FBRS: variants seen among roughly 807,000 people sequenced by gnomAD.
FBRS encodes the protein fibrosin.
In FBRS, 15 loss-of-function variants were observed where a neutral mutation model predicts 86.1. The observed-to-expected ratio is 0.17, with a 90% CI of 0.12 to 0.27. The LOEUF is 0.27. FBRS is among the 10% of genes least tolerant of loss of function. FBRS has a pLI of 1.00. For synonymous variants in FBRS, 666 were observed against 575.8 expected, an observed-to-expected ratio of 1.16 and a Z score of -2.24; for missense variants, 1,367 against 1,301.6, an observed-to-expected ratio of 1.05 and a Z score of -0.77.
intron 6 of FBRS, among the ~76,000 whole-genome samples, chr16:30,663,268 C>T (rs1375691773): frequency 1.3e-5 from 2 of 152,210 alleles, no homozygotes; most frequent in African/African-American, 4.8e-5. Context: ...GCCTCGATTT[C>T]CTCTTTCTGT....
Position 30,659,816 on chromosome 16 carries a change from G to T in FBRS, c.298G>T (p.Ala100Ser). Residue 100 changes from alanine to serine, a missense_variant, in exon 1 of 18, where the codon GCC becomes TCC. Physicochemically the swap from Ala to Ser is moderately conservative, Grantham distance 99. Transcript: ENST00000356166. The part of the protein sequence containing the change: ...PPRPRARKRP[A>S]GSGSRGEEEE... The stretch of plus-strand genomic sequence containing the variant: ...GCGACCCCGAGCTCGGAAGCGGCCT[G>T]CCGGCTCGGGCAGCCGCGGGGAGGA... 1 of 1,517,906 alleles carries T rather than the reference G, an allele frequency of 6.6e-7. No individual in the cohort carries two copies. The highest frequency in any genetic ancestry group is 8.8e-7 in the Non-Finnish European group (1 of 1,137,362). The allele number at this position is 1,517,906 out of a possible 1,614,324, so 94.0% of individuals were successfully genotyped here.
rs778326728 is a variant in FBRS at position 30,668,610 on chromosome 16, G to A, written c.2125G>A (p.Gly709Arg). 4.3e-6 allele frequency: 7 copies of A among 1,611,658 alleles called. No homozygotes were observed. Among genetic ancestry groups the A allele is most frequent in the African/African-American group, 1.3e-5 (1 of 74,954 alleles). ...SFASLAALSNGAFGGLGSPTF... is the reference protein window; with the variant it reads ...SFASLAALSNRAFGGLGSPTF... The stretch of plus-strand genomic sequence containing the variant: ...CGCCTCTTTGGCTGCCCTCTCCAAC[G>A]GGGCCTTTGGAGGCCTGGGCAGCCC... The change falls in exon 16 of 18, where the codon GGG (glycine) becomes AGG (arginine). Residue 709 changes from glycine (G) to arginine (R), a missense_variant. This residue lies in a region of FBRS where 659 missense variants were observed against 678.8 expected (regional missense o/e 0.97). Transcript: ENST00000356166.
At chr16:30,663,117 A>G (rs1289736686) in intron 6 of FBRS, 6 of 512,782 alleles carry the variant, frequency 1.2e-5, no homozygotes, top group African/African-American at 2.0e-5. Flanking sequence ...GTCTGCTCGG[A>G]ATAGTGTTCT....
rs1375467939 is a variant in FBRS, at chr16:30,664,793, G to A, written c.1436G>A (p.Gly479Asp). Reference sequence around the variant, plus strand: ...GGCCCTGAGGTGGTGGGGGCAGGGGGCTCGGCCCGGCCCCTGGCCTTCCAG... The same window carrying A: ...GGCCCTGAGGTGGTGGGGGCAGGGGACTCGGCCCGGCCCCTGGCCTTCCAG... ...QGGPEVVGAG[G>D]SARPLAFQFH... The change falls in exon 8 of 18, where the codon GGC becomes GAC. Residue 479 changes from glycine (G) to aspartate (D), a missense_variant. Physicochemically the swap from Gly to Asp is moderately conservative, Grantham distance 94. This residue lies in a region of FBRS where 702 missense variants were observed against 598.7 expected (regional missense o/e 1.17). Coordinates refer to ENST00000356166, the MANE Select transcript of FBRS (RefSeq NM_001105079.3). 1.3e-6 allele frequency: 2 copies of A among 1,554,016 alleles called. No individual in the cohort carries two copies. The highest frequency in any genetic ancestry group is 2.0e-5 in the Admixed American group (1 of 51,168).
rs750860951 is a variant in FBRS, at chr16:30,669,201, C to CGCCGCTGCCGCTGCTGCT, written c.2505_2522dup (p.Ala844_Ala849dup). ...AAGAGCGGAAGGAGGAGGCTGCCGCCGCCGCTGCCGCTGCTGCTGCCGCCG... is the reference window on the plus strand; with the variant it reads ...AAGAGCGGAAGGAGGAGGCTGCCGCCGCCGCTGCCGCTGCTGCTGCCGCTGCCGCTGCTGCTGCCGCCG... On this transcript the variant is annotated inframe_insertion, in exon 18 of 18. Coordinates refer to ENST00000356166, the MANE Select transcript of FBRS (RefSeq NM_001105079.3). The surrounding 1 kb of genome is among the most constrained non-coding windows in gnomAD (Gnocchi z 5.9). The CGCCGCTGCCGCTGCTGCT allele has an allele frequency of 1.3e-6, 2 of 1,544,470 alleles. No individual in the cohort carries two copies. The highest frequency in any genetic ancestry group is 2.8e-5 in the African/African-American group (2 of 72,700).
chr16:30,660,056 G>A, intron 1 of FBRS, 79 bp downstream of exon 1: 2 of 1,484,666 alleles, frequency 1.3e-6, no homozygotes, highest in Middle Eastern at 4.3e-4. Flanking sequence ...AGTGGGTGGA[G>A]TTGAGGGGGG....
Position 30,662,755 on chromosome 16 carries a change from T to C in FBRS, c.951T>C (p.Thr317=), listed in dbSNP as rs2052476531. 6.5e-7 allele frequency: 1 copy of C among 1,527,508 alleles called. No homozygotes were observed. Among genetic ancestry groups the C allele is most frequent in the African/African-American group, 1.4e-5 (1 of 72,350 alleles). The allele number at this position is 1,527,508 out of a possible 1,614,324, so 94.6% of individuals were successfully genotyped here. A position where few individuals can be genotyped will look rare whatever the true frequency, so the allele number is the denominator to read the frequency against. Residue 317 remains threonine, a synonymous_variant, in exon 6 of 18, where the codon ACT becomes ACC. Coordinates refer to ENST00000356166, the MANE Select transcript of FBRS (RefSeq NM_001105079.3). ...CACCCCCTGCACCCCTGCCGGCCAC[T>C]CCCAGTCTGCCACCCCCACCCCAGC... ...PVSPPAPLPA[T]PSLPPPPQPQ...
chr16:30,659,842 A>AGAGGAGGAG lies in FBRS; in HGVS notation c.338_346dup (p.Glu113_Glu115dup), dbSNP rs746156246. On this transcript the variant is annotated inframe_insertion, in exon 1 of 18. Coordinates refer to ENST00000356166, the MANE Select transcript of FBRS (RefSeq NM_001105079.3). ...CCGGCTCGGGCAGCCGCGGGGAGGA[A>AGAGGAGGAG]GAGGAGGAGGAGGAGGAGGAGGGGG... 2.5e-5 allele frequency: 38 copies of AGAGGAGGAG among 1,517,906 alleles called. No homozygotes were observed. Among genetic ancestry groups the AGAGGAGGAG allele is most frequent in the Non-Finnish European group, 2.8e-5 (32 of 1,133,266 alleles). The allele number at this position is 1,517,906 out of a possible 1,614,324, so 94.0% of individuals were successfully genotyped here. A position where few individuals can be genotyped will look rare whatever the true frequency, so the allele number is the denominator to read the frequency against.
rs1401764312 is a variant in FBRS, at chr16:30,665,206, C to T, written c.1609-100C>T. The T allele has an allele frequency of 6.6e-6, 10 of 1,512,004 alleles. No homozygotes were observed. The highest frequency in any genetic ancestry group is 4.8e-5 in the East Asian group (2 of 41,496). The allele number at this position is 1,512,004 out of a possible 1,614,324, so 93.7% of individuals were successfully genotyped here. A position where few individuals can be genotyped will look rare whatever the true frequency, so the allele number is the denominator to read the frequency against. On this transcript the variant is annotated intron_variant, in intron 9 of 17. Transcript: ENST00000356166. The surrounding 1 kb of genome is among the most constrained non-coding windows in gnomAD (Gnocchi z 4.1). ...CAAGAGCCTTGAGCCTGGGACAGCT[C>T]CCTGGGGGGCTTTAGGGTGGAGGCC...
rs2052576548 is a variant in FBRS, at chr16:30,669,944, G to C, written c.*299G>C. 6 of 546,140 alleles carry C rather than the reference G, an allele frequency of 1.1e-5. No individual in the cohort carries two copies. In the Admixed American group the frequency reaches 1.9e-4, roughly 17 times the overall value. The allele number at this position is 546,140 out of a possible 1,614,324, so 33.8% of individuals were successfully genotyped here. On this transcript the variant is annotated 3_prime_UTR_variant, in exon 18 of 18. Coordinates refer to ENST00000356166, the MANE Select transcript of FBRS (RefSeq NM_001105079.3). The surrounding 1 kb of genome is among the most constrained non-coding windows in gnomAD (Gnocchi z 5.9). ...CTGAGGTACACCTTTGCCCCTGTAA[G>C]GGCCTCTAGGCCCTGGGCCTGCCTC...
At chr16:30,663,891 A>T (rs2052488969) in intron 6 of FBRS, among the ~76,000 whole-genome samples, 1 of 152,230 alleles carries the variant, frequency 6.6e-6, no homozygotes, top group South Asian at 2.1e-4. Flanking sequence ...GTGGGACCCC[A>T]GGTGGCTTGT....
Position 30,660,251 on chromosome 16 carries a change from C to T in FBRS, c.460-12C>T, listed in dbSNP as rs766314114. The stretch of plus-strand genomic sequence containing the variant: ...TTTTCCATCTATCTCAGCCCCACCT[C>T]CTCCTCCACAGAAGGATGCATCTCT... On this transcript the variant is annotated splice_polypyrimidine_tract_variant and intron_variant, in intron 1 of 17. Coordinates refer to ENST00000356166, the MANE Select transcript of FBRS (RefSeq NM_001105079.3). 8 of 1,327,038 alleles carry T rather than the reference C, an allele frequency of 6.0e-6. No homozygotes were observed. Among genetic ancestry groups the T allele is most frequent in the South Asian group, 4.3e-5 (2 of 46,640 alleles). The allele number at this position is 1,327,038 out of a possible 1,614,324, so 82.2% of individuals were successfully genotyped here. A position where few individuals can be genotyped will look rare whatever the true frequency, so the allele number is the denominator to read the frequency against.
Position 30,668,889 on chromosome 16 carries a change from G to A in FBRS, c.2276G>A (p.Arg759Gln), listed in dbSNP as rs752903003. ...RSPLTFPAWV[R>Q]PPEAARTPGS... is the part of the protein sequence containing the mutation. The stretch of plus-strand genomic sequence containing the variant: ...CCTCTGACCTTTCCTGCCTGGGTCC[G>A]GCCCCCTGAGGCCGCCCGGACTCCA... The change falls in exon 17 of 18, where the codon CGG becomes CAG. Residue 759 changes from arginine to glutamine, a missense_variant. Transcript: ENST00000356166. 1.7e-5 allele frequency: 27 copies of A among 1,584,254 alleles called. No homozygotes were observed. Among genetic ancestry groups the A allele is most frequent in the South Asian group, 1.0e-4 (9 of 87,822 alleles).
rs1312136841 is a variant in FBRS, at chr16:30,659,124, G to C, written c.-395G>C. On this transcript the variant is annotated 5_prime_UTR_variant, in exon 1 of 18. Coordinates refer to ENST00000356166, the MANE Select transcript of FBRS (RefSeq NM_001105079.3). Reference sequence around the variant, plus strand: ...GGGCGAGCTTTCGGCCCCTTTTAAAGGGGTGGCCCTTCCTCTTCCTCGGGG... The same window carrying C: ...GGGCGAGCTTTCGGCCCCTTTTAAACGGGTGGCCCTTCCTCTTCCTCGGGG... 1 of 152,434 alleles carries C rather than the reference G, an allele frequency of 6.6e-6. No individual in the cohort carries two copies. The highest frequency in any genetic ancestry group is 6.5e-5 in the Admixed American group (1 of 15,284). 9.4% of individuals were successfully genotyped at this position (152,434 alleles called of 1,614,324 possible). A position where few individuals can be genotyped will look rare whatever the true frequency, so the allele number is the denominator to read the frequency against.
At position 30,665,765 on chromosome 16, in the gene FBRS, A is replaced by T; in HGVS notation, c.1773+59A>T. ...GAAGGTGTGTTGCGGGGAGAACAGA[A>T]CTGACTTGAGGAGAGTGAACTGCTG... On this transcript the variant is annotated intron_variant, in intron 11 of 17. Transcript: ENST00000356166. This position sits in a 1 kb window ranked among gnomAD's most constrained non-coding sequence, Gnocchi z 4.1. 1.3e-6 allele frequency: 2 copies of T among 1,508,570 alleles called. No individual in the cohort carries two copies. Among genetic ancestry groups the T allele is most frequent in the Non-Finnish European group, 1.8e-6 (2 of 1,108,936 alleles). 93.4% of individuals were successfully genotyped at this position (1,508,570 alleles called of 1,614,324 possible).
In FBRS at chr16:30,664,916, A is replaced by G. The variant is rs1421134739; in HGVS notation, c.1559A>G (p.His520Arg). Reference sequence around the variant, plus strand: ...GGCCTGCTGCCACCCCACGGCCCCCACATGGTGAGCTCCTCATTGGGCTGG... The same window carrying G: ...GGCCTGCTGCCACCCCACGGCCCCCGCATGGTGAGCTCCTCATTGGGCTGG... ...PPGLLPPHGP[H>R]MFEKYPGKME... The change falls in exon 8 of 18, where the codon CAC (histidine) becomes CGC (arginine). Residue 520 changes from histidine to arginine, a missense_variant. Physicochemically the swap from His to Arg is conservative, Grantham distance 29. Transcript: ENST00000356166. 6.2e-7 allele frequency: 1 copy of G among 1,610,670 alleles called. No individual in the cohort carries two copies. The highest frequency in any genetic ancestry group is 8.5e-7 in the Non-Finnish European group (1 of 1,178,304).
At chr16:30,667,712 G>A (rs2052540236) in intron 15 of FBRS, 90 bp downstream of exon 15, 3 of 1,193,130 alleles carry the variant, frequency 2.5e-6, no homozygotes, top group Admixed American at 3.1e-5. Flanking sequence ...TGGAATGCAG[G>A]ATAGACCTGG....
chr16:30,664,013 CAG>C (rs2052490518), intron 6 of FBRS, among the ~76,000 whole-genome samples, 200 bp from the exon 7 acceptor site: 1 of 152,168 alleles, frequency 6.6e-6, no homozygotes, highest in Non-Finnish European at 1.5e-5. Context: ...GAGACCTAGA[CAG>C]GGAGAAATAG....
At chr16:30,668,336 A>G (rs1189372883) in intron 15 of FBRS, 1 of 527,670 alleles carries the variant, frequency 1.9e-6, no homozygotes, top group African/African-American at 1.9e-5. Flanking sequence ...ATCATCTTCA[A>G]GTGGGCATGA....
Sources: allele counts gnomAD v4.1 joint callset (sites outside exome capture counted in the v4.1 genomes callset), GRCh38; gene constraint gnomAD v4.1.1; regional missense constraint gnomAD v4.1.1; non-coding constraint Gnocchi (gnomAD v3.1); transcripts MANE v1.5; gene names NCBI Gene and HGNC (gene_info 2026-07-23, HGNC 2026-07-21).